TTC39B: variants seen among roughly 807,000 people sequenced by gnomAD.
TTC39B encodes the protein tetratricopeptide repeat domain 39B.
TTC39B carries 92 observed loss-of-function variants against 96.6 expected under a neutral mutation model. The ratio of observed to expected loss-of-function variants is 0.95; its 90% CI spans 0.80 to 1.13. The LOEUF (loss-of-function observed/expected upper bound fraction) is 1.13. Among genes scored for constraint, TTC39B ranks in the 50% most tolerant of loss-of-function variants. TTC39B has a pLI of 0.00. For synonymous variants in TTC39B, 367 were observed against 299.4 expected (o/e 1.23, Z -2.33); for missense variants, 955 against 809.3 (o/e 1.18, Z -2.18).
At chr9:15,216,558 C>T (rs559258914) in intron 3 of TTC39B, among the ~76,000 whole-genome samples, 1 of 152,302 alleles carries the variant, frequency 6.6e-6, no homozygotes, top group East Asian at 1.9e-4. Context: ...CCTCCTATAA[C>T]AGTCCATCAC....
At chr9:15,217,431 A>G (rs1033854206) in intron 3 of TTC39B, among the ~76,000 whole-genome samples, 1 of 152,066 alleles carries the variant, frequency 6.6e-6, no homozygotes, top group Non-Finnish European at 1.5e-5. Context: ...ACAAAGTGGG[A>G]GCTCAGCACC....
At chr9:15,190,303 A>C (rs1047524056) in intron 11 of TTC39B, among the ~76,000 whole-genome samples, 2 of 151,840 alleles carry the variant, frequency 1.3e-5, no homozygotes, top group African/African-American at 4.8e-5. Context: ...ATTTTTACTT[A>C]CTCAGATTAA....
chr9:15,227,091 G>A (rs1025135488), intron 2 of TTC39B, among the ~76,000 whole-genome samples: 1 of 152,052 alleles, frequency 6.6e-6, no homozygotes, highest in African/African-American at 2.4e-5. Context: ...TGGATCACCC[G>A]AGGTCAGGAG....
chr9:15,251,814 T>G (rs1822570513), intron 2 of TTC39B, among the ~76,000 whole-genome samples: 1 of 150,188 alleles, frequency 6.7e-6, no homozygotes, highest in Non-Finnish European at 1.5e-5. Context: ...TCACACAGAA[T>G]TGTTATGATT....
intron 1 of TTC39B, among the ~76,000 whole-genome samples, chr9:15,282,103 C>T (rs1386018339): frequency 6.6e-6 from 1 of 151,874 alleles, no homozygotes; most frequent in African/African-American, 2.4e-5. Flanking sequence ...CTTGGTGAAC[C>T]AATACTATCA....
At chr9:15,264,045 G>A (rs1322314113) in intron 2 of TTC39B, among the ~76,000 whole-genome samples, 1 of 152,198 alleles carries the variant, frequency 6.6e-6, no homozygotes, top group African/African-American at 2.4e-5. Context: ...TACAGCCACA[G>A]AGAAGTTCTG....
intron 3 of TTC39B, among the ~76,000 whole-genome samples, chr9:15,218,635 A>AAAAAAAAAAAATATATATAT (rs374054306): frequency 1.3e-5 from 2 of 149,448 alleles, no homozygotes; most frequent in African/African-American, 4.9e-5. Context: ...GTCTATTTTA[A>AAAAAAAAAAAATATATATAT]ATATATATAT....
intron 2 of TTC39B, among the ~76,000 whole-genome samples, chr9:15,248,122 G>C (rs1051142863): frequency 2.0e-5 from 3 of 152,136 alleles, no homozygotes; most frequent in African/African-American, 7.2e-5. Flanking sequence ...TGGCACATAA[G>C]ACATTTTAAA....
At chr9:15,263,731 G>A (rs1342286137) in intron 2 of TTC39B, among the ~76,000 whole-genome samples, 5 of 152,300 alleles carry the variant, frequency 3.3e-5, no homozygotes, top group East Asian at 1.9e-4. Context: ...AAGATTCTTC[G>A]TGTATGGACT....
chr9:15,303,913 G>T (rs1030232250), intron 1 of TTC39B, among the ~76,000 whole-genome samples: 5 of 152,174 alleles, frequency 3.3e-5, no homozygotes, highest in African/African-American at 1.2e-4. Flanking sequence ...GGGATTACAG[G>T]CATGAGCCAC....
At chr9:15,248,008 C>G (rs1404362438) in intron 2 of TTC39B, among the ~76,000 whole-genome samples, 1 of 152,156 alleles carries the variant, frequency 6.6e-6, no homozygotes, top group Non-Finnish European at 1.5e-5. Flanking sequence ...TTGTGCACCT[C>G]GTTTTCCTCA....
At chr9:15,297,112 G>A (rs768386165) in intron 1 of TTC39B, among the ~76,000 whole-genome samples, 5 of 152,208 alleles carry the variant, frequency 3.3e-5, no homozygotes, top group Non-Finnish European at 5.9e-5. Context: ...ATCACTTAAA[G>A]GGGGCATATA....
chr9:15,168,440 G>C (rs920477665), exon 20 of TTC39B: 1 of 133,314 alleles, frequency 7.5e-6, no homozygotes, highest in Non-Finnish European at 1.6e-5. Context: ...AACAGAAATG[G>C]AGGGAAATGA....
At chr9:15,295,643 TAAAGAG>T (rs1399620305) in intron 1 of TTC39B, among the ~76,000 whole-genome samples, 1 of 152,236 alleles carries the variant, frequency 6.6e-6, no homozygotes, top group Non-Finnish European at 1.5e-5. Context: ...TTTAAAAGCA[TAAAGAG>T]AAAGTAAATT....
intron 16 of TTC39B, 106 bp downstream of exon 16, chr9:15,185,174 T>C (rs1818451569): frequency 2.2e-6 from 3 of 1,377,220 alleles, no homozygotes; most frequent in Non-Finnish European, 2.9e-6. Flanking sequence ...AAACCTACAA[T>C]GGTTTTTAAA....
chr9:15,189,274 G>A (rs508314), intron 13 of TTC39B, among the ~76,000 whole-genome samples: 20,650 of 152,084 alleles, frequency 0.14, 1,546 homozygotes, highest in Non-Finnish European at 0.18. Context: ...GCAGAAATTG[G>A]TAACAGTCAC....
chr9:15,182,423 G>A lies in TTC39B; in HGVS notation c.1615-8C>T. On this transcript the variant is annotated splice_polypyrimidine_tract_variant and splice_region_variant and intron_variant, in intron 16 of 19. Transcript: ENST00000512701. ...CCAGACATACATCATTTCCTAATGA[G>A]GAAAAATGAAAACCATTTGCAGTTA... 6.3e-7 allele frequency: 1 copy of A among 1,588,664 alleles called. No individual in the cohort carries two copies. Among genetic ancestry groups the A allele is most frequent in the Non-Finnish European group, 8.6e-7 (1 of 1,163,132 alleles).
chr9:15,250,624 G>A (rs1320226458), intron 2 of TTC39B, among the ~76,000 whole-genome samples: 2 of 152,166 alleles, frequency 1.3e-5, no homozygotes, highest in African/African-American at 4.8e-5. Flanking sequence ...CAAGATAGTT[G>A]GAAAACTCCA....
At chr9:15,223,573 T>C (rs953153996) in intron 3 of TTC39B, among the ~76,000 whole-genome samples, 1 of 152,160 alleles carries the variant, frequency 6.6e-6, no homozygotes, top group Non-Finnish European at 1.5e-5. Flanking sequence ...ACTAACTCCA[T>C]AAGAGCCACA....
Sources: gnomAD v4.1 joint callset for allele counts (sites outside exome capture counted in the v4.1 genomes callset) on GRCh38, gnomAD v4.1.1 for gene constraint, MANE v1.5 for transcripts, NCBI Gene and HGNC (gene_info 2026-07-23, HGNC 2026-07-21) for gene names.